Variants in STK24 observed in about 807,000 individuals in gnomAD.
STK24 encodes the protein serine/threonine kinase 24, also known as serine/threonine-protein kinase 24.
STK24 carries 21 observed loss-of-function variants against 55.6 expected under a neutral mutation model. The observed-to-expected ratio is 0.38, with a 90% CI of 0.27 to 0.54. STK24 has a LOEUF of 0.54. STK24 is among the 20% of genes least tolerant of loss of function. The probability of loss-of-function intolerance (pLI) is 0.79; values close to 1 mark genes in which losing one functional copy is unlikely to be tolerated. For synonymous variants in STK24, 200 were observed against 215.2 expected (o/e 0.93, Z 0.62); for missense variants, 383 against 538.4 (o/e 0.71, Z 2.86).
intron 7 of STK24, 93 bp from the exon 8 acceptor site, chr13:98,461,990 A>G (rs2139256130): frequency 6.6e-7 from 1 of 1,522,954 alleles, no homozygotes; most frequent in Non-Finnish European, 8.9e-7. Flanking sequence ...GGGGACCTCT[A>G]AACCCACACC....
At chr13:98,551,810 C>T (rs1241348646) in intron 1 of STK24, among the ~76,000 whole-genome samples, 2 of 152,192 alleles carry the variant, frequency 1.3e-5, no homozygotes, top group Non-Finnish European at 1.5e-5. Flanking sequence ...GGCATCTTCC[C>T]CAGGCTCCAC....
chr13:98,559,585 C>A (rs1357405900), intron 1 of STK24, among the ~76,000 whole-genome samples: 1 of 151,986 alleles, frequency 6.6e-6, no homozygotes, highest in Non-Finnish European at 1.5e-5. Flanking sequence ...TTTTGTCATG[C>A]GATTAAATGG....
chr13:98,510,384 T>C (rs1312287020), intron 2 of STK24, among the ~76,000 whole-genome samples: 3 of 152,184 alleles, frequency 2.0e-5, no homozygotes, highest in Non-Finnish European at 2.9e-5. Context: ...CCAATTCAGA[T>C]GGGGGCTCCC....
At chr13:98,535,193 T>C (rs1896682028) in intron 1 of STK24, among the ~76,000 whole-genome samples, 2 of 151,932 alleles carry the variant, frequency 1.3e-5, no homozygotes, top group African/African-American at 2.4e-5. Flanking sequence ...CAAAATTAGC[T>C]GGGCGTGGTG....
intron 2 of STK24, among the ~76,000 whole-genome samples, chr13:98,511,958 T>A (rs1387223340): frequency 1.3e-5 from 2 of 149,564 alleles, no homozygotes; most frequent in East Asian, 3.9e-4. Flanking sequence ...TGGAGTGCAG[T>A]GGTGTGATCT....
intron 2 of STK24, among the ~76,000 whole-genome samples, chr13:98,497,176 G>T (rs1018588697): frequency 2.0e-5 from 3 of 152,004 alleles, no homozygotes; most frequent in African/African-American, 7.2e-5. Flanking sequence ...TTTCCTCACC[G>T]CCTTCCTCTG....
intron 3 of STK24, among the ~76,000 whole-genome samples, chr13:98,476,064 G>A (rs908063537): frequency 6.6e-6 from 1 of 152,006 alleles, no homozygotes; most frequent in South Asian, 2.1e-4. Context: ...TTATCCCTAA[G>A]ATAATAATTA....
At chr13:98,483,540 T>G (rs1229945736) in intron 2 of STK24, among the ~76,000 whole-genome samples, 1 of 152,184 alleles carries the variant, frequency 6.6e-6, no homozygotes, top group African/African-American at 2.4e-5. Context: ...GAGCTCACCC[T>G]TTGAGAACAC....
At chr13:98,507,372 C>T (rs544921617) in intron 2 of STK24, among the ~76,000 whole-genome samples, 3 of 152,180 alleles carry the variant, frequency 2.0e-5, no homozygotes, top group Non-Finnish European at 4.4e-5. Context: ...ATTAGCAAGA[C>T]AGGCCTGCGG....
intron 1 of STK24, among the ~76,000 whole-genome samples, chr13:98,551,461 T>A (rs1325776263): frequency 6.6e-6 from 1 of 152,016 alleles, no homozygotes; most frequent in Admixed American, 6.5e-5. Flanking sequence ...TTTTTTTTTT[T>A]TCTTAGCACC....
At chr13:98,460,537 G>A (rs2139252052) in intron 8 of STK24, 97 bp from the exon 9 acceptor site, 2 of 1,001,258 alleles carry the variant, frequency 2.0e-6, no homozygotes, top group South Asian at 1.4e-5. Context: ...AAGCGCAGGA[G>A]TTGCCTCTAC....
chr13:98,521,804 C>T (rs1896271802), intron 1 of STK24: 1 of 781,692 alleles, frequency 1.3e-6, no homozygotes, highest in Non-Finnish European at 2.4e-6. Flanking sequence ...GGTAGAGTGG[C>T]CCTCCTTTTA....
intron 1 of STK24, among the ~76,000 whole-genome samples, chr13:98,533,917 G>A (rs1295508801): frequency 6.6e-6 from 1 of 152,212 alleles, no homozygotes; most frequent in Non-Finnish European, 1.5e-5. Flanking sequence ...ACAGCATAGT[G>A]TGTGCCAAGG....
chr13:98,556,165 C>A (rs1897284737), intron 1 of STK24, among the ~76,000 whole-genome samples: 1 of 152,222 alleles, frequency 6.6e-6, no homozygotes, highest in Admixed American at 6.5e-5. Context: ...GGCCTGGATT[C>A]CCCAACAGGG....
At position 98,457,531 on chromosome 13, in the gene STK24, G is replaced by A. The variant is rs1312839665; in HGVS notation, c.1123-227C>T. 6.1e-5 allele frequency among the ~76,000 whole-genome samples: 9 copies of A among 148,648 alleles called. No homozygotes were observed. The Admixed American group carries it at 6.1e-4, about 10-fold the overall frequency. ...GTTGCTCAGGCTGGAGTACAGTGGC[G>A]TGATCTCAGCTCACTGCAACCTCCG... On this transcript the variant is annotated intron_variant, in intron 9 of 10. Coordinates refer to ENST00000539966, the MANE Select transcript of STK24 (RefSeq NM_001032296.4).
In STK24 at chr13:98,576,884, CG is replaced by C; in HGVS notation, c.-99del. On this transcript the variant is annotated 5_prime_UTR_variant, in exon 1 of 11. Coordinates refer to ENST00000539966, the MANE Select transcript of STK24 (RefSeq NM_001032296.4). ...CGGGCCGCGCGCAGCCCTCGGGCGG[CG>C]GGGCCGGCCGGAGCCCGAGGCCACC... is the stretch of plus-strand genomic sequence containing the variant. The C allele has an allele frequency of 1.4e-6, 1 of 698,916 alleles. No homozygotes were observed. Among genetic ancestry groups the C allele is most frequent in the Non-Finnish European group, 1.7e-6 (1 of 573,998 alleles). 43.3% of individuals were successfully genotyped at this position (698,916 alleles called of 1,614,324 possible).
rs1893813716 is a variant in STK24, at chr13:98,463,761, G to A, written c.859C>T (p.Leu287Phe). ...TTCCATCTCTTGTACCTGTCGATGA[G>A]CTCGGTCAAGTAGGAAGTTTTCTTT... ...NAKKTSYLTE[L>F]IDRYKRWKAE... is the part of the protein sequence containing the mutation. Residue 287 changes from leucine (L) to phenylalanine (F), a missense_variant, in exon 7 of 11, where the codon CTC becomes TTC. By Grantham distance (22) the Leu-to-Phe change is conservative (BLOSUM62 0). Transcript: ENST00000539966. 6 of 1,614,068 alleles carry A rather than the reference G, an allele frequency of 3.7e-6. No homozygotes were observed. Among genetic ancestry groups the A allele is most frequent in the Non-Finnish European group, 5.1e-6 (6 of 1,180,046 alleles).
Position 98,448,564 on chromosome 13 carries a change from C to T in STK24, c.*4609G>A, listed in dbSNP as rs1893010222. Reference sequence around the variant, plus strand: ...TCTTTAGCTAGTGCCAGTATTAAAACATTGTCATTACGAGAGTGCCAAATG... The same window carrying T: ...TCTTTAGCTAGTGCCAGTATTAAAATATTGTCATTACGAGAGTGCCAAATG... On this transcript the variant is annotated 3_prime_UTR_variant, in exon 11 of 11. Coordinates refer to ENST00000539966, the MANE Select transcript of STK24 (RefSeq NM_001032296.4). The T allele has an allele frequency of 2.0e-6, 1 of 503,244 alleles. No individual in the cohort carries two copies. The highest frequency in any genetic ancestry group is 3.6e-5 in the Admixed American group (1 of 27,950). The allele number at this position is 503,244 out of a possible 1,614,324, so 31.2% of individuals were successfully genotyped here.
At chr13:98,460,525 G>C in intron 8 of STK24, 85 bp from the exon 9 acceptor site, 1 of 1,132,672 alleles carries the variant, frequency 8.8e-7, no homozygotes, top group Non-Finnish European at 1.3e-6. Flanking sequence ...CCTGGACTAT[G>C]GAAGCGCAGG....
Sources: gnomAD v4.1 joint callset for allele counts (sites outside exome capture counted in the v4.1 genomes callset) on GRCh38, gnomAD v4.1.1 for gene constraint, MANE v1.5 for transcripts, NCBI Gene and HGNC (gene_info 2026-07-23, HGNC 2026-07-21) for gene names.